ANO5: variants seen among roughly 807,000 people sequenced by gnomAD.
ANO5 encodes the protein anoctamin 5.
Under a neutral mutation model 121.0 loss-of-function variants are expected in ANO5, and 109 were observed. The observed-to-expected ratio is 0.90, with a 90% CI of 0.77 to 1.06. The LOEUF is 1.06. Among genes scored for constraint, ANO5 ranks in the 50% least tolerant of loss-of-function variants. The pLI, the probability that ANO5 is intolerant of heterozygous loss-of-function variation, is 0.00. For missense variants in ANO5, 1,064 were observed against 1,078.5 expected (o/e 0.99, Z 0.19); for synonymous variants, 406 against 359.9 (o/e 1.13, Z -1.45).
chr11:22,270,245 ACT>A, intron 17 of ANO5, 65 bp from the exon 18 acceptor site: 1 of 1,580,782 alleles, frequency 6.3e-7, no homozygotes. Flanking sequence ...CAGATCTAAC[ACT>A]CTGATTCTCT....
At chr11:22,233,673 A>C (rs1405381676) in intron 7 of ANO5, among the ~76,000 whole-genome samples, 1 of 152,114 alleles carries the variant, frequency 6.6e-6, no homozygotes, top group East Asian at 1.9e-4. Flanking sequence ...AAACTCTTGC[A>C]AAAATTGCCC....
At chr11:22,218,326 T>C (rs1000828394) in intron 4 of ANO5, 39 bp downstream of exon 4, 10 of 1,608,838 alleles carry the variant, frequency 6.2e-6, no homozygotes, top group Non-Finnish European at 8.5e-6. Context: ...ATGCTCTGAA[T>C]GGCTGCAGTG....
chr11:22,221,012 C>A, intron 4 of ANO5, 85 bp from the exon 5 acceptor site: 2 of 999,314 alleles, frequency 2.0e-6, no homozygotes, highest in Non-Finnish European at 3.1e-6. Context: ...CTTGATTTGA[C>A]TAAATTATAA....
intron 3 of ANO5, among the ~76,000 whole-genome samples, chr11:22,212,349 T>C (rs1277800617): frequency 6.6e-6 from 1 of 151,982 alleles, no homozygotes; most frequent in African/African-American, 2.4e-5. Context: ...CTCAGTCTTT[T>C]TGTATAATAG....
Position 22,193,153 on chromosome 11 carries a change from C to CAGGT in ANO5, c.-339_-336dup, listed in dbSNP as rs1243287750. 8.6e-7 allele frequency: 1 copy of CAGGT among 1,165,284 alleles called. No individual in the cohort carries two copies. Among genetic ancestry groups the CAGGT allele is most frequent in the East Asian group, 5.3e-5 (1 of 18,722 alleles). 72.2% of individuals were successfully genotyped at this position (1,165,284 alleles called of 1,614,324 possible). On this transcript the variant is annotated 5_prime_UTR_variant, in exon 1 of 22. Coordinates refer to ENST00000324559, the MANE Select transcript of ANO5 (RefSeq NM_213599.3). ...ATCAGCTGCCGAGCAGGCACAGGGACAGGTGCCTGGAGAAGTACTGGGAGA... is the reference window on the plus strand; with the variant it reads ...ATCAGCTGCCGAGCAGGCACAGGGACAGGTAGGTGCCTGGAGAAGTACTGGGAGA...
rs1211084172 is a variant in ANO5, at chr11:22,282,611, T to C, written c.*2846T>C. Reference sequence around the variant, plus strand: ...AAAGAGCTGTTCCGAGGAAGTTTGGTCCAGCTGTGGTTGATAAGAGGTATA... The same window carrying C: ...AAAGAGCTGTTCCGAGGAAGTTTGGCCCAGCTGTGGTTGATAAGAGGTATA... On this transcript the variant is annotated 3_prime_UTR_variant, in exon 22 of 22. Transcript: ENST00000324559. 1 of 152,172 alleles carries C rather than the reference T, an allele frequency of 6.6e-6. No homozygotes were observed. Among genetic ancestry groups the C allele is most frequent in the Non-Finnish European group, 1.5e-5 (1 of 68,014 alleles). The allele number at this position is 152,172 out of a possible 1,614,324, so 9.4% of individuals were successfully genotyped here.
intron 7 of ANO5, among the ~76,000 whole-genome samples, chr11:22,229,098 T>G (rs1200956925): frequency 6.6e-6 from 1 of 151,920 alleles, no homozygotes; most frequent in Non-Finnish European, 1.5e-5. Context: ...TTCTCATCTG[T>G]AGTGTGTAAG....
At chr11:22,272,117 C>T (rs1041289894) in intron 18 of ANO5, among the ~76,000 whole-genome samples, 5 of 151,776 alleles carry the variant, frequency 3.3e-5, no homozygotes, top group African/African-American at 1.2e-4. Context: ...GGTTATTTTA[C>T]CCTAAACATT....
intron 9 of ANO5, among the ~76,000 whole-genome samples, chr11:22,247,785 T>C (rs893144373): frequency 2.0e-5 from 3 of 152,076 alleles, no homozygotes; most frequent in African/African-American, 4.8e-5. Context: ...AATGCTAAGA[T>C]TGAGAAAAAT....
chr11:22,275,412 C>T (rs949046815), intron 20 of ANO5, among the ~76,000 whole-genome samples: 1 of 151,788 alleles, frequency 6.6e-6, no homozygotes, highest in Non-Finnish European at 1.5e-5. Flanking sequence ...GCAAGACAAG[C>T]AGACATTATT....
intron 9 of ANO5, among the ~76,000 whole-genome samples, chr11:22,240,293 G>A (rs1853386677): frequency 6.6e-6 from 1 of 151,768 alleles, no homozygotes; most frequent in African/African-American, 2.4e-5. Context: ...TTAAAGCATA[G>A]CAATACTACA....
At chr11:22,276,679 C>T (rs1419386327) in intron 21 of ANO5, among the ~76,000 whole-genome samples, 1 of 150,640 alleles carries the variant, frequency 6.6e-6, no homozygotes, top group Non-Finnish European at 1.5e-5. Flanking sequence ...TATGCTCTGT[C>T]TACTATATTA....
intron 9 of ANO5, among the ~76,000 whole-genome samples, chr11:22,245,449 T>C (rs1459063969): frequency 6.6e-6 from 1 of 152,218 alleles, no homozygotes; most frequent in Non-Finnish European, 1.5e-5. Context: ...ATTTTTGTTT[T>C]ATATCTTTCC....
At chr11:22,256,781 T>C (rs925885741) in intron 13 of ANO5, among the ~76,000 whole-genome samples, 2 of 152,158 alleles carry the variant, frequency 1.3e-5, no homozygotes, top group African/African-American at 4.8e-5. Context: ...TTCCTCAGTG[T>C]TTAAGGACGA....
intron 17 of ANO5, among the ~76,000 whole-genome samples, chr11:22,268,556 A>G (rs1241885469): frequency 2.0e-5 from 3 of 152,218 alleles, no homozygotes; most frequent in African/African-American, 7.2e-5. Flanking sequence ...TATTCAGACA[A>G]TCACATCACT....
intron 17 of ANO5, among the ~76,000 whole-genome samples, chr11:22,268,184 T>G (rs1440895676): frequency 6.6e-6 from 1 of 152,212 alleles, no homozygotes; most frequent in African/African-American, 2.4e-5. Context: ...CTATATAGAT[T>G]TTATAAACAT....
chr11:22,216,096 T>C (rs1168169456), intron 3 of ANO5, among the ~76,000 whole-genome samples: 1 of 151,874 alleles, frequency 6.6e-6, no homozygotes, highest in Non-Finnish European at 1.5e-5. Flanking sequence ...TTGATGGATA[T>C]TTGGATAGTT....
In ANO5 at chr11:22,243,243, C is replaced by A. The variant is rs777267298; in HGVS notation, c.878+3559C>A. Among the ~76,000 whole-genome samples the A allele has an allele frequency of 8.3e-4, 127 of 152,150 alleles. 1 individual carries two copies. The highest frequency in any genetic ancestry group is 1.3e-3 in the Non-Finnish European group (89 of 67,972). On this transcript the variant is annotated intron_variant, in intron 9 of 21. Transcript: ENST00000324559. ...TACTTATTTGCACTTGTTGAATCAG[C>A]CTTGCATCTCAGGAATAATGCCAGT... is the stretch of plus-strand genomic sequence containing the variant.
chr11:22,193,625 C>T, intron 1 of ANO5, 93 bp downstream of exon 1: 2 of 1,481,888 alleles, frequency 1.3e-6, no homozygotes, highest in Non-Finnish European at 9.2e-7. Context: ...ACGTTGGCGG[C>T]CCTGCGGCCT....
Sources: gnomAD v4.1 joint callset for allele counts (sites outside exome capture counted in the v4.1 genomes callset) on GRCh38, gnomAD v4.1.1 for gene constraint, MANE v1.5 for transcripts, NCBI Gene and HGNC (gene_info 2026-07-23, HGNC 2026-07-21) for gene names.